ARFGEF3: variants seen among roughly 807,000 people sequenced by gnomAD.
ARFGEF3 encodes the protein brefeldin A-inhibited guanine nucleotide-exchange protein 3.
A neutral mutation model predicts 221.7 loss-of-function variants in ARFGEF3; 96 were observed. The ratio of observed to expected loss-of-function variants is 0.43; its 90% CI spans 0.37 to 0.51. The LOEUF (loss-of-function observed/expected upper bound fraction) is 0.51, where lower values mean the gene tolerates loss of function less well. Among genes scored for constraint, ARFGEF3 ranks in the 20% least tolerant of loss-of-function variants. The probability of loss-of-function intolerance (pLI) is 0.00; values close to 1 mark genes in which losing one functional copy is unlikely to be tolerated. For missense variants in ARFGEF3, 2,410 were observed against 2,789.9 expected (o/e 0.86, Z 3.07); for synonymous variants, 1,145 against 1,126.8 (o/e 1.02, Z -0.32).
In ARFGEF3 at chr6:138,334,677, A is replaced by G; in HGVS notation, c.5831A>G (p.Gln1944Arg). The change falls in exon 33 of 34, where the codon CAG (glutamine) becomes CGG (arginine). Residue 1944 changes from glutamine (Q) to arginine (R), a missense_variant. By Grantham distance (43) the Gln-to-Arg change is conservative. Coordinates refer to ENST00000251691, the MANE Select transcript of ARFGEF3 (RefSeq NM_020340.5). The surrounding 1 kb of genome is among the most constrained non-coding windows in gnomAD (Gnocchi z 5.1). The part of the protein sequence containing the change: ...GDPFFILPSF[Q>R]SESSTPSTGG... The stretch of plus-strand genomic sequence containing the variant: ...CCGTTCTTCATCCTGCCCTCCTTCC[A>G]GTCCGAGTCATCCACCCCATCCACC... The G allele has an allele frequency of 1.2e-6, 2 of 1,612,306 alleles. No homozygotes were observed. The highest frequency in any genetic ancestry group is 1.7e-6 in the Non-Finnish European group (2 of 1,178,626).
chr6:138,233,354 G>T (rs1430740014), intron 5 of ARFGEF3, among the ~76,000 whole-genome samples: 1 of 151,466 alleles, frequency 6.6e-6, no homozygotes, highest in African/African-American at 2.4e-5. Flanking sequence ...CTGGTTTATA[G>T]CTCTTGAAAT....
At chr6:138,331,622 T>G (rs569560864) in intron 32 of ARFGEF3, among the ~76,000 whole-genome samples, 77 of 152,374 alleles carry the variant, frequency 5.1e-4, no homozygotes, top group African/African-American at 1.7e-3. Context: ...TTAGCATGTT[T>G]TAAGTCAACC....
At chr6:138,208,129 AT>A (rs1397470296) in intron 3 of ARFGEF3, among the ~76,000 whole-genome samples, 26 of 147,718 alleles carry the variant, frequency 1.8e-4, no homozygotes, top group Admixed American at 1.3e-4. Context: ...TAGATTTTGC[AT>A]TTAGCTTCTC....
At chr6:138,288,267 C>T (rs896315084) in intron 17 of ARFGEF3, among the ~76,000 whole-genome samples, 19 of 152,084 alleles carry the variant, frequency 1.2e-4, no homozygotes, top group African/African-American at 4.3e-4. Context: ...GCCTGTAGTC[C>T]CAGCTACTCG....
intron 2 of ARFGEF3, among the ~76,000 whole-genome samples, chr6:138,206,605 G>A (rs1186690268): frequency 6.6e-6 from 1 of 152,162 alleles, no homozygotes; most frequent in Non-Finnish European, 1.5e-5. Context: ...GAGTGCTGAT[G>A]GTGATGCATA....
At position 138,261,625 on chromosome 6, in the gene ARFGEF3, G is replaced by A; in HGVS notation, c.1203G>A (p.Leu401=). The change falls in exon 11 of 34, where the codon CTG becomes CTA. Residue 401 remains leucine (L), a synonymous_variant. Transcript: ENST00000251691. ...CAATTTCAAAAAGAAAGTCTCATCT[G>A]GATCTCCTCAAACTGTATGATGTTT... ...KRSISKRKSH[L]DLLKLIMDGM... 1.3e-6 allele frequency: 2 copies of A among 1,554,388 alleles called. No individual in the cohort carries two copies. Among genetic ancestry groups the A allele is most frequent in the Non-Finnish European group, 8.7e-7 (1 of 1,145,678 alleles).
intron 1 of ARFGEF3, among the ~76,000 whole-genome samples, chr6:138,167,491 A>T (rs1562340164): frequency 6.6e-6 from 1 of 152,018 alleles, no homozygotes; most frequent in Non-Finnish European, 1.5e-5. Context: ...TCACTGCCCA[A>T]CCTCACTCAC....
At chr6:138,304,813 C>G (rs909871459) in intron 22 of ARFGEF3, among the ~76,000 whole-genome samples, 15 of 152,078 alleles carry the variant, frequency 9.9e-5, no homozygotes, top group African/African-American at 3.6e-4. Flanking sequence ...CAGAACCAAG[C>G]TTATGTAGAT....
rs925881900 is a variant in ARFGEF3 at position 138,343,274 on chromosome 6, T to G, written c.*6788T>G. The G allele has an allele frequency of 6.6e-6, 1 of 152,238 alleles. No homozygotes were observed. The allele number at this position is 152,238 out of a possible 1,614,324, so 9.4% of individuals were successfully genotyped here. A position where few individuals can be genotyped will look rare whatever the true frequency, so the allele number is the denominator to read the frequency against. ...ATAATGCTTATTGATTCAATGAGGT[T>G]TCTCTAAAGACTTCTGCTTAATAAA... is the stretch of plus-strand genomic sequence containing the variant. On this transcript the variant is annotated 3_prime_UTR_variant, in exon 34 of 34. Transcript: ENST00000251691.
intron 7 of ARFGEF3, among the ~76,000 whole-genome samples, chr6:138,245,027 C>T (rs961334025): frequency 1.3e-5 from 2 of 152,144 alleles, no homozygotes; most frequent in African/African-American, 4.8e-5. Context: ...ATAAGCCAGG[C>T]GCGGTGGTTC....
chr6:138,228,133 A>C (rs6913258), intron 4 of ARFGEF3, among the ~76,000 whole-genome samples: 30,641 of 149,840 alleles, frequency 0.2, 4,872 homozygotes, highest in African/African-American at 0.43. Flanking sequence ...GGCAGTTGCT[A>C]CCCAATCCCT....
At chr6:138,242,879 T>G in intron 6 of ARFGEF3, 73 bp from the exon 7 acceptor site, 1 of 1,346,270 alleles carries the variant, frequency 7.4e-7, no homozygotes, top group Non-Finnish European at 1.1e-6. Context: ...TTCCTAGAAT[T>G]TTCCCATTGT....
intron 2 of ARFGEF3, among the ~76,000 whole-genome samples, chr6:138,184,168 T>G (rs139628666): frequency 1.1e-3 from 171 of 152,326 alleles, no homozygotes; most frequent in African/African-American, 3.8e-3. Context: ...ATTTTTAAAA[T>G]TATTCATTAA....
chr6:138,194,989 A>ATTTTTTTTTTTTTT lies in ARFGEF3; in HGVS notation c.138-12035_138-12022dup, dbSNP rs747099029. Among the ~76,000 whole-genome samples the ATTTTTTTTTTTTTT allele has an allele frequency of 8.9e-4, 75 of 84,116 alleles. 2 individuals carry two copies. The highest frequency in any genetic ancestry group is 1.2e-3 in the Non-Finnish European group (58 of 46,514). The allele number at this position is 84,116 out of a possible 152,430, so 55.2% of individuals were successfully genotyped here. On this transcript the variant is annotated intron_variant, in intron 2 of 33. Coordinates refer to ENST00000251691, the MANE Select transcript of ARFGEF3 (RefSeq NM_020340.5). ...TCAAACTAACTTCACCTTTTCCCTA[A>ATTTTTTTTTTTTTT]TTTTTTTTTTTTTTTTTTTTTTTTT...
chr6:138,188,761 T>A (rs1199134064), intron 2 of ARFGEF3, among the ~76,000 whole-genome samples: 1 of 152,232 alleles, frequency 6.6e-6, no homozygotes, highest in Non-Finnish European at 1.5e-5. Context: ...CTGAGGCTAC[T>A]TGTTGGGCAG....
chr6:138,251,208 G>C (rs1251424667), intron 8 of ARFGEF3, among the ~76,000 whole-genome samples: 1 of 152,208 alleles, frequency 6.6e-6, no homozygotes, highest in Non-Finnish European at 1.5e-5. Flanking sequence ...ATAGCTTGAT[G>C]ACTCATAGCT....
intron 3 of ARFGEF3, 96 bp downstream of exon 3, chr6:138,207,219 T>A: frequency 1.1e-6 from 1 of 895,794 alleles, no homozygotes; most frequent in Non-Finnish European, 1.8e-6. Context: ...ACTGGCTGTT[T>A]AAAGACTCAG....
At chr6:138,173,377 C>G (rs1776879007) in intron 2 of ARFGEF3, among the ~76,000 whole-genome samples, 1 of 152,090 alleles carries the variant, frequency 6.6e-6, no homozygotes, top group South Asian at 2.1e-4. Flanking sequence ...GTTTGATAAA[C>G]TCTGCTCTAA....
intron 9 of ARFGEF3, among the ~76,000 whole-genome samples, chr6:138,255,180 C>A (rs1778652247): frequency 6.6e-6 from 1 of 152,142 alleles, no homozygotes; most frequent in Non-Finnish European, 1.5e-5. Context: ...ATTTTGAGTC[C>A]ATTTCTTCAC....
Sources: allele counts gnomAD v4.1 joint callset (sites outside exome capture counted in the v4.1 genomes callset), GRCh38; gene constraint gnomAD v4.1.1; non-coding constraint Gnocchi (gnomAD v3.1); transcripts MANE v1.5; gene names NCBI Gene and HGNC (gene_info 2026-07-23, HGNC 2026-07-21).